The following RBFOX1 variants were observed in gnomAD, a reference collection of about 807,000 sequenced individuals.
RBFOX1 encodes RNA binding protein fox-1 homolog 1.
RBFOX1 carries 8 observed loss-of-function variants against 57.7 expected under a neutral mutation model. That is an observed-to-expected ratio of 0.14 (90% CI 0.08 to 0.25). RBFOX1 has a LOEUF of 0.25. Among genes scored for constraint, RBFOX1 ranks in the 10% least tolerant of loss-of-function variants. The probability of loss-of-function intolerance (pLI) is 1.00; values close to 1 mark genes in which losing one functional copy is unlikely to be tolerated. For synonymous variants in RBFOX1, 326 were observed against 222.4 expected, an observed-to-expected ratio of 1.47 and a Z score of -4.15; for missense variants, 611 against 548.5, an observed-to-expected ratio of 1.11 and a Z score of -1.14.
chr16:7,204,318 G>A lies in RBFOX1; in HGVS notation c.27+152220G>A, dbSNP rs527255451. Among the ~76,000 whole-genome samples, 5 of 152,306 alleles carry A rather than the reference G, an allele frequency of 3.3e-5. No homozygotes were observed. The South Asian group carries it at 8.3e-4, about 25-fold the overall frequency. On this transcript the variant is annotated intron_variant, in intron 4 of 15. Coordinates refer to ENST00000550418, the MANE Select transcript of RBFOX1 (RefSeq NM_018723.4). ...TTTTAATCTGAGGGAGGACAGGATT[G>A]CAAACACTTTAATATTAGCATTCCC...
intron 1 of RBFOX1, among the ~76,000 whole-genome samples, chr16:5,243,885 C>T (rs1340435007): frequency 6.6e-6 from 1 of 151,816 alleles, no homozygotes; most frequent in East Asian, 1.9e-4. Context: ...AAATGCTGGG[C>T]ATAGCATTTA....
At chr16:6,666,941 G>A (rs1200266142) in intron 3 of RBFOX1, among the ~76,000 whole-genome samples, 1 of 152,158 alleles carries the variant, frequency 6.6e-6, no homozygotes, top group South Asian at 2.1e-4. Context: ...TCACTTGCCA[G>A]CACAGCTGAC....
At chr16:6,879,649 G>C (rs1215444991) in intron 3 of RBFOX1, among the ~76,000 whole-genome samples, 1 of 152,110 alleles carries the variant, frequency 6.6e-6, no homozygotes, top group Non-Finnish European at 1.5e-5. Context: ...TTCAAGTAAG[G>C]TCCAGTTGTG....
At chr16:7,339,204 C>G (rs941454842) in intron 4 of RBFOX1, among the ~76,000 whole-genome samples, 1 of 152,166 alleles carries the variant, frequency 6.6e-6, no homozygotes, top group African/African-American at 2.4e-5. Flanking sequence ...GAAGGCCTAG[C>G]TTGCAAAGTC....
intron 2 of RBFOX1, among the ~76,000 whole-genome samples, chr16:5,469,090 T>C (rs1448677208): frequency 3.9e-5 from 6 of 152,162 alleles, no homozygotes; most frequent in Admixed American, 1.3e-4. Flanking sequence ...GGGAGGTGGG[T>C]ACTAGAGCGG....
chr16:7,400,262 C>T (rs2098218653), intron 4 of RBFOX1, among the ~76,000 whole-genome samples: 1 of 152,160 alleles, frequency 6.6e-6, no homozygotes, highest in Non-Finnish European at 1.5e-5. Context: ...TACAGAGATT[C>T]CGATTCTGTA....
At chr16:6,005,618 A>G (rs2060679863) in intron 4 of RBFOX1, among the ~76,000 whole-genome samples, 1 of 152,240 alleles carries the variant, frequency 6.6e-6, no homozygotes, top group African/African-American at 2.4e-5. Context: ...CCTGGCCTCT[A>G]CCCACTGGAT....
chr16:6,051,842 G>T (rs912949061), intron 1 of RBFOX1, among the ~76,000 whole-genome samples: 1 of 152,136 alleles, frequency 6.6e-6, no homozygotes, highest in Non-Finnish European at 1.5e-5. Context: ...GGGATTACAG[G>T]CATGAGCCAC....
At chr16:6,394,664 G>A (rs1336198268) in intron 2 of RBFOX1, among the ~76,000 whole-genome samples, 2 of 149,658 alleles carry the variant, frequency 1.3e-5, no homozygotes, top group African/African-American at 4.9e-5. Context: ...ATATATATAT[G>A]ATATATATGA....
At chr16:7,538,964 C>T (rs2082207722) in intron 5 of RBFOX1, among the ~76,000 whole-genome samples, 1 of 151,620 alleles carries the variant, frequency 6.6e-6, no homozygotes, top group Non-Finnish European at 1.5e-5. Flanking sequence ...GGCATGTACA[C>T]ACTTCAGTGG....
intron 3 of RBFOX1, among the ~76,000 whole-genome samples, chr16:6,893,492 C>G (rs191202817): frequency 4.3e-4 from 65 of 152,254 alleles, no homozygotes; most frequent in African/African-American, 1.5e-3. Flanking sequence ...GGTCCCTTGT[C>G]AGTATCAACA....
At chr16:6,032,884 T>TG (rs1408850070) in intron 1 of RBFOX1, among the ~76,000 whole-genome samples, 17 of 146,874 alleles carry the variant, frequency 1.2e-4, no homozygotes, top group Non-Finnish European at 2.2e-4. Flanking sequence ...TAGTGTAAGT[T>TG]TTTTTTTTTT....
At chr16:6,615,770 G>A (rs570363908) in intron 2 of RBFOX1, among the ~76,000 whole-genome samples, 28 of 152,186 alleles carry the variant, frequency 1.8e-4, no homozygotes, top group African/African-American at 5.8e-4. Context: ...TCTCATGCAC[G>A]TGAGAAGTCA....
intron 3 of RBFOX1, among the ~76,000 whole-genome samples, chr16:6,893,957 C>G (rs773001915): frequency 1.3e-5 from 2 of 152,132 alleles, no homozygotes; most frequent in African/African-American, 4.8e-5. Context: ...TGATAATTAA[C>G]CAAGTGCTAT....
At chr16:6,007,661 G>C (rs567702962) in intron 4 of RBFOX1, among the ~76,000 whole-genome samples, 1 of 152,314 alleles carries the variant, frequency 6.6e-6, no homozygotes, top group East Asian at 1.9e-4. Context: ...ACTTTAGTTT[G>C]CGTAAATAGT....
intron 3 of RBFOX1, among the ~76,000 whole-genome samples, chr16:5,741,649 T>C (rs1029984613): frequency 6.6e-6 from 1 of 152,246 alleles, no homozygotes; most frequent in Non-Finnish European, 1.5e-5. Flanking sequence ...GACACATATA[T>C]CACCATTACA....
chr16:6,690,822 A>G (rs186559821), intron 3 of RBFOX1, among the ~76,000 whole-genome samples: 66 of 146,694 alleles, frequency 4.5e-4, no homozygotes, highest in African/African-American at 1.6e-3. Flanking sequence ...CCAGGCCATC[A>G]TTTTCCTTCC....
intron 1 of RBFOX1, among the ~76,000 whole-genome samples, chr16:6,051,824 A>G (rs1414400214): frequency 3.3e-5 from 5 of 152,200 alleles, no homozygotes; most frequent in Admixed American, 6.5e-5. Flanking sequence ...CTGGCCTCCC[A>G]AACTGCTGGG....
At chr16:7,123,596 C>G (rs958223249) in intron 4 of RBFOX1, among the ~76,000 whole-genome samples, 4 of 152,058 alleles carry the variant, frequency 2.6e-5, no homozygotes, top group South Asian at 2.1e-4. Flanking sequence ...AATTCCTGGC[C>G]TCAAGCAATC....
Sources: gnomAD v4.1 joint callset for allele counts (sites outside exome capture counted in the v4.1 genomes callset) on GRCh38, gnomAD v4.1.1 for gene constraint, MANE v1.5 for transcripts, NCBI Gene and HGNC (gene_info 2026-07-23, HGNC 2026-07-21) for gene names.